RSF1: variants seen among roughly 807,000 people sequenced by gnomAD.
RSF1 encodes the protein HBV pX-associated protein 8.
In RSF1, 13 loss-of-function variants were observed where a neutral mutation model predicts 145.2. The ratio of observed to expected loss-of-function variants is 0.09; its 90% CI spans 0.06 to 0.14. The LOEUF (loss-of-function observed/expected upper bound fraction) is 0.14. Among genes scored for constraint, RSF1 ranks in the 10% least tolerant of loss-of-function variants. RSF1 has a pLI of 1.00. For missense variants in RSF1, 1,517 were observed against 1,718.2 expected (o/e 0.88, Z 2.07); for synonymous variants, 577 against 592.6 (o/e 0.97, Z 0.38).
intron 5 of RSF1, among the ~76,000 whole-genome samples, chr11:77,712,884 T>C (rs1294858707): frequency 6.6e-6 from 1 of 152,246 alleles, no homozygotes; most frequent in Non-Finnish European, 1.5e-5. Flanking sequence ...CTCCTTCCAC[T>C]GGCACCTATG....
chr11:77,856,635 C>T, the RSF1 span, among the ~76,000 whole-genome samples: 60,947 of 151,796 alleles, frequency 0.4, 12,875 homozygotes, highest in African/African-American at 0.52. Context: ...CTTACTATCA[C>T]GGCAGAAGGT....
intron 3 of RSF1, among the ~76,000 whole-genome samples, chr11:77,743,141 T>C (rs1282299221): frequency 3.3e-5 from 5 of 152,206 alleles, no homozygotes; most frequent in African/African-American, 1.2e-4. Context: ...CTGATTACTA[T>C]AACTCAGTAG....
chr11:77,739,502 G>A (rs544368184), intron 4 of RSF1: 1 of 152,266 alleles, frequency 6.6e-6, no homozygotes, highest in East Asian at 1.9e-4. Flanking sequence ...ATAATGTAAT[G>A]ATACATGCTT....
chr11:77,738,443 T>C (rs1409237232), intron 4 of RSF1, among the ~76,000 whole-genome samples: 3 of 152,234 alleles, frequency 2.0e-5, no homozygotes, highest in African/African-American at 7.2e-5. Flanking sequence ...TTAAGTATTA[T>C]AAGTATATGG....
At chr11:77,703,407 T>A (rs1490089946) in intron 5 of RSF1, 1 of 152,212 alleles carries the variant, frequency 6.6e-6, no homozygotes, top group African/African-American at 2.4e-5. Context: ...CTACTAATTT[T>A]ACGTACATTT....
chr11:77,671,208 T>TATAC (rs201762575), intron 15 of RSF1, among the ~76,000 whole-genome samples: 4,422 of 116,600 alleles, frequency 0.038, 365 homozygotes, highest in African/African-American at 0.14. Flanking sequence ...TATATATATA[T>TATAC]ACACTATATA....
At chr11:77,785,925 CAAAAAAA>C (rs10661397) in intron 1 of RSF1, among the ~76,000 whole-genome samples, 17 of 37,136 alleles carry the variant, frequency 4.6e-4, no homozygotes, top group African/African-American at 1.3e-3. Context: ...GATTCTGTCT[CAAAAAAA>C]AAAAAAAAAA....
chr11:77,791,222 C>A (rs1205517028), intron 1 of RSF1, among the ~76,000 whole-genome samples: 3 of 152,224 alleles, frequency 2.0e-5, no homozygotes, highest in Non-Finnish European at 4.4e-5. Flanking sequence ...ACAGGCTCAA[C>A]ACCAAATGGA....
chr11:77,725,704 A>G lies in RSF1; in HGVS notation c.579-5T>C, dbSNP rs1961038376. ...TCAGCCAACTCGTTTCGATTTCTAA[A>G]CAAGGAAAAAAATAAGACAGCATAA... On this transcript the variant is annotated splice_region_variant and splice_polypyrimidine_tract_variant and intron_variant, in intron 4 of 15. Transcript: ENST00000308488. 1 of 1,566,582 alleles carries G rather than the reference A, an allele frequency of 6.4e-7. No homozygotes were observed. Among genetic ancestry groups the G allele is most frequent in the Non-Finnish European group, 8.6e-7 (1 of 1,157,802 alleles).
intron 1 of RSF1, among the ~76,000 whole-genome samples, chr11:77,766,642 A>G (rs144282782): frequency 2.0e-4 from 31 of 152,338 alleles, no homozygotes; most frequent in African/African-American, 6.5e-4. Context: ...ACAGATGCAA[A>G]TAGCTAAAAA....
the RSF1 span, among the ~76,000 whole-genome samples, chr11:77,867,213 C>T: frequency 1.3e-5 from 2 of 152,180 alleles, no homozygotes; most frequent in East Asian, 3.8e-4. Context: ...CTGGAAAACG[C>T]TTCTTTCTCT....
At chr11:77,783,431 T>C (rs1948424057) in intron 1 of RSF1, among the ~76,000 whole-genome samples, 1 of 152,252 alleles carries the variant, frequency 6.6e-6, no homozygotes, top group South Asian at 2.1e-4. Flanking sequence ...GGCTAGCTCA[T>C]AACATATTCT....
At chr11:77,735,322 T>C (rs1028148626) in intron 4 of RSF1, among the ~76,000 whole-genome samples, 1 of 152,244 alleles carries the variant, frequency 6.6e-6, no homozygotes, top group Non-Finnish European at 1.5e-5. Context: ...TGTCATGGTA[T>C]GAAATTTTCA....
intron 1 of RSF1, among the ~76,000 whole-genome samples, chr11:77,793,345 C>T (rs147674810): frequency 1.1e-4 from 16 of 152,126 alleles, no homozygotes; most frequent in Non-Finnish European, 1.5e-4. Flanking sequence ...ATTAGCCAGG[C>T]GTGGTGGCCT....
chr11:77,819,165 C>T (rs1285220177), intron 1 of RSF1, among the ~76,000 whole-genome samples: 1 of 152,140 alleles, frequency 6.6e-6, no homozygotes, highest in Non-Finnish European at 1.5e-5. Flanking sequence ...GAAGAGCGAC[C>T]CTGCTTTCTT....
intron 11 of RSF1, among the ~76,000 whole-genome samples, chr11:77,681,919 AT>A (rs1286918823): frequency 6.6e-6 from 1 of 152,138 alleles, no homozygotes; most frequent in East Asian, 1.9e-4. Context: ...TGGCGCTCCC[AT>A]TTTTAATAAA....
In RSF1 at chr11:77,672,157, T is replaced by C; in HGVS notation, c.3636A>G (p.Lys1212=). Residue 1212 remains lysine (K), a synonymous_variant, in exon 15 of 16, where the codon AAA becomes AAG. Coordinates refer to ENST00000308488, the MANE Select transcript of RSF1 (RefSeq NM_016578.4). ...AGTCTTCTTTGTAGTTAATTTGTCT[T>C]TTCTGATTTCTCCTTGACCGCCTTC... ...TRRRRSRRNQ[K]RQINYKEDSE... is the part of the protein sequence containing the mutation. 1 of 1,613,980 alleles carries C rather than the reference T, an allele frequency of 6.2e-7. No homozygotes were observed. Among genetic ancestry groups the C allele is most frequent in the Non-Finnish European group, 8.5e-7 (1 of 1,179,970 alleles).
chr11:77,691,349 T>C (rs907195116), intron 8 of RSF1, 111 bp from the exon 9 acceptor site: 6 of 802,070 alleles, frequency 7.5e-6, no homozygotes, highest in Non-Finnish European at 1.0e-5. Context: ...AGGGACCACA[T>C]AGTAAGTGAA....
At chr11:77,737,355 GA>G (rs1464780658) in intron 4 of RSF1, among the ~76,000 whole-genome samples, 1 of 151,800 alleles carries the variant, frequency 6.6e-6, no homozygotes, top group East Asian at 1.9e-4. Flanking sequence ...GGCTGAGGCA[GA>G]AGAACGGCTT....
Sources: allele counts gnomAD v4.1 joint callset (sites outside exome capture counted in the v4.1 genomes callset), GRCh38; gene constraint gnomAD v4.1.1; transcripts MANE v1.5; gene names NCBI Gene and HGNC (gene_info 2026-07-23, HGNC 2026-07-21).